Variants in THSD4 observed in about 807,000 individuals in gnomAD.
THSD4 encodes the protein thrombospondin type 1 domain containing 4.
Under a neutral mutation model 119.0 loss-of-function variants are expected in THSD4, and 69 were observed. The ratio of observed to expected loss-of-function variants is 0.58; its 90% CI spans 0.48 to 0.71. The LOEUF (loss-of-function observed/expected upper bound fraction) is 0.71, where lower values mean the gene tolerates loss of function less well. Ranked by LOEUF, THSD4 falls within the 30% of genes least tolerant of loss-of-function variation. The pLI, the probability that THSD4 is intolerant of heterozygous loss-of-function variation, is 0.00. For missense variants in THSD4, 1,393 were observed against 1,391.1 expected (o/e 1.00, Z -0.02); for synonymous variants, 524 against 540.4 (o/e 0.97, Z 0.42).
At chr15:71,367,560 T>G (rs2045982101) in intron 6 of THSD4, among the ~76,000 whole-genome samples, 1 of 152,252 alleles carries the variant, frequency 6.6e-6, no homozygotes, top group Non-Finnish European at 1.5e-5. Flanking sequence ...TGTGATAGTT[T>G]GCTGAGAATG....
At position 71,660,604 on chromosome 15, in the gene THSD4, G is replaced by A. The variant is rs369732737; in HGVS notation, c.1227G>A (p.Thr409=). The A allele has an allele frequency of 2.8e-5, 46 of 1,614,136 alleles. No individual in the cohort carries two copies. In the East Asian group the frequency reaches 5.8e-4, roughly 20 times the overall value. ...DKCGVCGGDN[T]GCQVVSGVFK... is the part of the protein sequence containing the mutation. ...GTGGGGTGTGTGGAGGAGACAACACGGGCTGTCAGGTTGTGTCGGGCGTGT... is the reference window on the plus strand; with the variant it reads ...GTGGGGTGTGTGGAGGAGACAACACAGGCTGTCAGGTTGTGTCGGGCGTGT... The change falls in exon 8 of 18, where the codon ACG becomes ACA. Residue 409 remains threonine, a synonymous_variant. Transcript: ENST00000261862.
At chr15:71,328,715 G>A (rs1596340222) in intron 6 of THSD4, among the ~76,000 whole-genome samples, 1 of 152,302 alleles carries the variant, frequency 6.6e-6, no homozygotes, top group South Asian at 2.1e-4. Context: ...AGTTGGTGCT[G>A]TTTACTAGAG....
chr15:71,266,751 T>G (rs2044469482), intron 6 of THSD4, among the ~76,000 whole-genome samples: 1 of 151,642 alleles, frequency 6.6e-6, no homozygotes. Flanking sequence ...AATAACCAGT[T>G]TAGAGAAGAA....
At chr15:71,539,908 CATTA>C (rs1203790958) in intron 7 of THSD4, among the ~76,000 whole-genome samples, 1 of 152,088 alleles carries the variant, frequency 6.6e-6, no homozygotes, top group Non-Finnish European at 1.5e-5. Context: ...GAAGACAACA[CATTA>C]ATTAACAATT....
chr15:71,460,964 A>C (rs34119720), intron 7 of THSD4, among the ~76,000 whole-genome samples: 5 of 152,214 alleles, frequency 3.3e-5, no homozygotes, highest in Admixed American at 2.0e-4. Flanking sequence ...TTCATTAACT[A>C]TTGCTGCATA....
At chr15:71,634,048 A>G (rs3743048) in intron 7 of THSD4, among the ~76,000 whole-genome samples, 41,838 of 152,006 alleles carry the variant, frequency 0.28, 6,455 homozygotes, top group East Asian at 0.63. Flanking sequence ...TTAGCAGGGC[A>G]TGGCAGTGGA....
intron 1 of THSD4, among the ~76,000 whole-genome samples, chr15:71,129,952 T>C (rs1479212663): frequency 6.6e-6 from 1 of 152,216 alleles, no homozygotes; most frequent in Admixed American, 6.5e-5. Flanking sequence ...CGAGGCACAC[T>C]GAGTTGGGAT....
intron 7 of THSD4, among the ~76,000 whole-genome samples, chr15:71,477,931 T>C (rs10162959): frequency 0.77 from 117,045 of 152,146 alleles, 45,210 homozygotes; most frequent in Admixed American, 0.8. Context: ...AGCAGAGCTG[T>C]GTGCCCAAAT....
At chr15:71,408,767 G>C (rs1352679595) in intron 6 of THSD4, among the ~76,000 whole-genome samples, 1 of 152,082 alleles carries the variant, frequency 6.6e-6, no homozygotes, top group Non-Finnish European at 1.5e-5. Flanking sequence ...TGGGATGACG[G>C]CTTGAGCCTG....
At chr15:71,674,562 G>A (rs2051600341) in intron 8 of THSD4, among the ~76,000 whole-genome samples, 1 of 152,128 alleles carries the variant, frequency 6.6e-6, no homozygotes, top group African/African-American at 2.4e-5. Flanking sequence ...AGTCCCACCT[G>A]CATGTTTAAT....
At chr15:71,385,183 AT>A (rs1196221348) in intron 6 of THSD4, among the ~76,000 whole-genome samples, 1 of 152,128 alleles carries the variant, frequency 6.6e-6, no homozygotes, top group Non-Finnish European at 1.5e-5. Flanking sequence ...TTAAAAAAAA[AT>A]TGCTCATATA....
At chr15:71,459,402 C>T (rs1158320678) in intron 7 of THSD4, among the ~76,000 whole-genome samples, 5 of 150,738 alleles carry the variant, frequency 3.3e-5, no homozygotes, top group African/African-American at 1.2e-4. Flanking sequence ...CTCTCTCTCT[C>T]TCTGTCTCTC....
intron 4 of THSD4, among the ~76,000 whole-genome samples, chr15:71,233,543 A>T (rs1206566280): frequency 1.3e-5 from 2 of 152,166 alleles, no homozygotes; most frequent in Non-Finnish European, 2.9e-5. Flanking sequence ...TTACTGTTTT[A>T]TTCTTTTTCA....
At chr15:71,475,506 G>T (rs1409952205) in intron 7 of THSD4, among the ~76,000 whole-genome samples, 4 of 152,302 alleles carry the variant, frequency 2.6e-5, no homozygotes, top group African/African-American at 9.6e-5. Context: ...TTAAAATGCA[G>T]ATCCTGATTT....
rs1491412287 is a variant in THSD4, at chr15:71,409,154, TTC to T, written c.1016-2532_1016-2531del. On this transcript the variant is annotated intron_variant, in intron 6 of 17. Coordinates refer to ENST00000261862, the MANE Select transcript of THSD4 (RefSeq NM_024817.3). ...ATTGTCTCACGTTTAGCTTTTTTTTTTCCCCCCCCCTCAGAATGTTCTTCTGC... is the reference window on the plus strand; with the variant it reads ...ATTGTCTCACGTTTAGCTTTTTTTTTCCCCCCCCTCAGAATGTTCTTCTGC... Among the ~76,000 whole-genome samples the T allele has an allele frequency of 3.1e-3, 259 of 83,858 alleles. 1 individual carries two copies. The highest frequency in any genetic ancestry group is 8.3e-3 in the African/African-American group (190 of 22,962). 55.0% of individuals were successfully genotyped at this position (83,858 alleles called of 152,430 possible).
intron 7 of THSD4, among the ~76,000 whole-genome samples, chr15:71,566,459 G>A (rs957181524): frequency 6.6e-5 from 10 of 152,124 alleles, no homozygotes; most frequent in African/African-American, 2.4e-4. Flanking sequence ...AGAGCCCTCT[G>A]TGACAGGGGT....
chr15:71,339,987 ACTC>A (rs1288787243), intron 6 of THSD4, among the ~76,000 whole-genome samples: 2 of 151,386 alleles, frequency 1.3e-5, no homozygotes, highest in African/African-American at 2.4e-5. Flanking sequence ...CTGGTCTTGA[ACTC>A]CTGACCTCAG....
At chr15:71,568,215 C>T (rs1415828702) in intron 7 of THSD4, among the ~76,000 whole-genome samples, 1 of 152,112 alleles carries the variant, frequency 6.6e-6, no homozygotes, top group African/African-American at 2.4e-5. Context: ...AAGGCCCTGA[C>T]TGCATGGGAA....
At chr15:71,102,815 C>T (rs909407296) in intron 1 of THSD4, among the ~76,000 whole-genome samples, 1 of 152,202 alleles carries the variant, frequency 6.6e-6, no homozygotes, top group Non-Finnish European at 1.5e-5. Context: ...ATCCACTTGC[C>T]TTGGCCTCCC....
Sources: allele counts gnomAD v4.1 joint callset (sites outside exome capture counted in the v4.1 genomes callset), GRCh38; gene constraint gnomAD v4.1.1; transcripts MANE v1.5; gene names NCBI Gene and HGNC (gene_info 2026-07-23, HGNC 2026-07-21).